The following DPYD variants were observed in gnomAD, a reference collection of about 807,000 sequenced individuals.
DPYD encodes dihydropyrimidine dehydrogenase [NADP(+)].
A neutral mutation model predicts 116.2 loss-of-function variants in DPYD; 109 were observed. The observed-to-expected ratio is 0.94, with a 90% confidence interval of 0.80 to 1.10. The LOEUF (loss-of-function observed/expected upper bound fraction) is 1.10. Ranked by LOEUF, DPYD falls within the 50% of genes least tolerant of loss-of-function variation. The probability of loss-of-function intolerance (pLI) is 0.00; values close to 1 mark genes in which losing one functional copy is unlikely to be tolerated. For synonymous variants in DPYD, 440 were observed against 432.0 expected, an observed-to-expected ratio of 1.02 and a Z score of -0.23; for missense variants, 1,302 against 1,254.5, an observed-to-expected ratio of 1.04 and a Z score of -0.57.
chr1:97,815,230 A>T (rs1365388843), intron 3 of DPYD, among the ~76,000 whole-genome samples: 1 of 152,090 alleles, frequency 6.6e-6, no homozygotes, highest in African/African-American at 2.4e-5. Context: ...GTAAAGCTGA[A>T]GTTTTTTTAG....
At chr1:97,720,602 G>C in intron 5 of DPYD, 1 of 1,155,938 alleles carries the variant, frequency 8.7e-7, no homozygotes, top group Non-Finnish European at 1.1e-6. Flanking sequence ...TTATTACTAA[G>C]AGCAAAGTGA....
At chr1:97,554,489 T>C (rs749642698) in intron 11 of DPYD, among the ~76,000 whole-genome samples, 3 of 152,102 alleles carry the variant, frequency 2.0e-5, no homozygotes, top group Non-Finnish European at 4.4e-5. Context: ...TGAATTCATC[T>C]ATGTCCTTGT....
At chr1:97,625,426 C>A (rs1656873809) in intron 8 of DPYD, among the ~76,000 whole-genome samples, 1 of 151,856 alleles carries the variant, frequency 6.6e-6, no homozygotes, top group Non-Finnish European at 1.5e-5. Flanking sequence ...AAAATGATGA[C>A]AGAATGACTA....
intron 7 of DPYD, among the ~76,000 whole-genome samples, chr1:97,687,455 G>A (rs192362789): frequency 2.0e-5 from 3 of 152,248 alleles, no homozygotes; most frequent in Non-Finnish European, 4.4e-5. Flanking sequence ...TCAGAATGGT[G>A]ATTATTAAAA....
At position 97,721,567 on chromosome 1, in the gene DPYD, T is replaced by C. The variant is rs1320438132; in HGVS notation, c.426A>G (p.Leu142=). 3.7e-6 allele frequency: 6 copies of C among 1,611,770 alleles called. No homozygotes were observed. Among genetic ancestry groups the C allele is most frequent in the Non-Finnish European group, 5.1e-6 (6 of 1,178,520 alleles). ...TSDLCVGGCN[L]YATEEGPINI... ...TAATGGGTCCCTCTTCAGTGGCATA[T>C]AAATTGCATCCACCTACACAAAGAT... The change falls in exon 5 of 23, where the codon TTA becomes TTG. Residue 142 remains leucine, a synonymous_variant. Transcript: ENST00000370192.
intron 18 of DPYD, among the ~76,000 whole-genome samples, chr1:97,284,507 C>T (rs1008207064): frequency 5.3e-5 from 8 of 151,862 alleles, no homozygotes; most frequent in African/African-American, 1.9e-4. Flanking sequence ...CTGGAATATT[C>T]TTCTTTGGTC....
chr1:97,627,465 C>T (rs1227914822), intron 8 of DPYD, among the ~76,000 whole-genome samples: 1 of 152,078 alleles, frequency 6.6e-6, no homozygotes, highest in Middle Eastern at 3.2e-3. Context: ...CAGCCTGTGG[C>T]AACTCACTCT....
At chr1:97,119,078 G>GA (rs1376994489) in intron 20 of DPYD, among the ~76,000 whole-genome samples, 2 of 151,988 alleles carry the variant, frequency 1.3e-5, no homozygotes, top group African/African-American at 4.8e-5. Flanking sequence ...GCATTCATTA[G>GA]AAAGCATACT....
chr1:97,920,822 C>T (rs929269825), intron 1 of DPYD, 62 bp downstream of exon 1: 368 of 1,556,862 alleles, frequency 2.4e-4, no homozygotes, highest in Non-Finnish European at 3.1e-4. Context: ...CTCCCCGGCA[C>T]CTACCCGCAG....
At chr1:97,287,023 GCT>G (rs1207761024) in intron 18 of DPYD, among the ~76,000 whole-genome samples, 1 of 152,158 alleles carries the variant, frequency 6.6e-6, no homozygotes, top group Non-Finnish European at 1.5e-5. Context: ...CAGTTTTTCT[GCT>G]CTGTTTTTTC....
rs114889346 is a variant in DPYD at position 97,621,983 on chromosome 1, G to A, written c.851-26817C>T. 6.6e-3 allele frequency among the ~76,000 whole-genome samples: 1,007 copies of A among 152,058 alleles called. 13 individuals are homozygous for A. The highest frequency in any genetic ancestry group is 0.023 in the African/African-American group (964 of 41,512). On this transcript the variant is annotated intron_variant, in intron 8 of 22. Coordinates refer to ENST00000370192, the MANE Select transcript of DPYD (RefSeq NM_000110.4). ...CAAAAAGTAAAAAATAAATATCCAC[G>A]AGTCCATCATACTTATATAAATAAA...
intron 11 of DPYD, among the ~76,000 whole-genome samples, chr1:97,572,268 G>T (rs145611934): frequency 6.6e-6 from 1 of 151,830 alleles, no homozygotes; most frequent in East Asian, 1.9e-4. Context: ...TATTTTATAT[G>T]CTAACTTAAA....
intron 11 of DPYD, among the ~76,000 whole-genome samples, chr1:97,569,131 G>A (rs147659448): frequency 2.3e-4 from 35 of 152,050 alleles, no homozygotes; most frequent in African/African-American, 7.0e-4. Flanking sequence ...CAACCTTATT[G>A]CCTTGGTTGT....
At chr1:97,650,520 A>G (rs1157431977) in intron 8 of DPYD, among the ~76,000 whole-genome samples, 1 of 152,182 alleles carries the variant, frequency 6.6e-6, no homozygotes, top group Non-Finnish European at 1.5e-5. Context: ...AAATTTTAAA[A>G]AAGACATGTT....
intron 12 of DPYD, chr1:97,545,975 T>C: frequency 3.1e-6 from 4 of 1,305,726 alleles, no homozygotes; most frequent in Non-Finnish European, 4.5e-6. Flanking sequence ...ATGAAAAATA[T>C]GAAGAGGTTA....
At chr1:97,246,169 T>C (rs921291379) in intron 18 of DPYD, among the ~76,000 whole-genome samples, 3 of 152,156 alleles carry the variant, frequency 2.0e-5, no homozygotes, top group Non-Finnish European at 4.4e-5. Context: ...TATCAATTAG[T>C]TGACAATAAC....
chr1:97,192,630 A>G (rs1474643961), intron 20 of DPYD, among the ~76,000 whole-genome samples: 3 of 152,220 alleles, frequency 2.0e-5, no homozygotes, highest in African/African-American at 7.2e-5. Context: ...ACCACACAGC[A>G]GAAGCAGTTA....
chr1:97,786,597 A>C (rs549226696), intron 3 of DPYD, among the ~76,000 whole-genome samples: 21 of 152,288 alleles, frequency 1.4e-4, no homozygotes, highest in Middle Eastern at 3.4e-3. Flanking sequence ...ACCTGAGGAG[A>C]CATTTGTATA....
chr1:97,371,587 A>G (rs1054348550), intron 16 of DPYD, among the ~76,000 whole-genome samples: 1 of 152,268 alleles, frequency 6.6e-6, no homozygotes, highest in African/African-American at 2.4e-5. Flanking sequence ...TGCTCACTTC[A>G]GAAAGTCAGA....
Sources: gnomAD v4.1 joint callset for allele counts (sites outside exome capture counted in the v4.1 genomes callset) on GRCh38, gnomAD v4.1.1 for gene constraint, MANE v1.5 for transcripts, NCBI Gene and HGNC (gene_info 2026-07-23, HGNC 2026-07-21) for gene names.